Variants in PER1 observed in about 807,000 individuals in gnomAD.
PER1 encodes the protein period circadian protein homolog 1.
PER1 carries 87 observed loss-of-function variants against 125.9 expected under a neutral mutation model. The observed-to-expected ratio is 0.69, with a 90% CI of 0.58 to 0.83. PER1 has a LOEUF of 0.83. PER1 is among the 40% of genes least tolerant of loss of function. The pLI, the probability that PER1 is intolerant of heterozygous loss-of-function variation, is 0.00. For missense variants in PER1, 1,775 were observed against 1,722.8 expected, an observed-to-expected ratio of 1.03 and a Z score of -0.54; for synonymous variants, 801 against 714.7, an observed-to-expected ratio of 1.12 and a Z score of -1.93.
chr17:8,147,802 A>C lies in PER1; in HGVS notation c.1260T>G (p.Phe420Leu), dbSNP rs1402134122. ...CACAGAAGCGGATAGGGGAGTGGTC[A>C]AAGGGCTGGCCCGCCAACTGCAGAA... ...KKILQLAGQPFDHSPIRFCAR... is the reference protein window; with the variant it reads ...KKILQLAGQPLDHSPIRFCAR... Residue 420 changes from phenylalanine to leucine, a missense_variant, in exon 11 of 23, where the codon TTT becomes TTG. By Grantham distance (22) the Phe-to-Leu change is conservative. Coordinates refer to ENST00000317276, the MANE Select transcript of PER1 (RefSeq NM_002616.3). 6.2e-7 allele frequency: 1 copy of C among 1,613,956 alleles called. No individual in the cohort carries two copies. The highest frequency in any genetic ancestry group is 1.3e-5 in the African/African-American group (1 of 75,046).
Position 8,150,768 on chromosome 17 carries a change from G to A in PER1, c.-62C>T, listed in dbSNP as rs755926136. 35 of 1,448,304 alleles carry A rather than the reference G, an allele frequency of 2.4e-5. No homozygotes were observed. Among genetic ancestry groups the A allele is most frequent in the Non-Finnish European group, 3.1e-5 (34 of 1,090,916 alleles). 89.7% of individuals were successfully genotyped at this position (1,448,304 alleles called of 1,614,324 possible). A position where few individuals can be genotyped will look rare whatever the true frequency, so the allele number is the denominator to read the frequency against. On this transcript the variant is annotated 5_prime_UTR_variant, in exon 2 of 23. Coordinates refer to ENST00000317276, the MANE Select transcript of PER1 (RefSeq NM_002616.3). ...AGAGGCCACCACGGATGCACGAGGG[G>A]GCCTGGAGGCTTGGCTGAGGGAGTG...
intron 17 of PER1, among the ~76,000 whole-genome samples, chr17:8,145,322 TTC>T (rs1249388747): frequency 6.2e-4 from 62 of 100,724 alleles, no homozygotes; most frequent in African/African-American, 1.9e-3. Flanking sequence ...ATTTTCTTGT[TTC>T]TTTTTTTTTT....
chr17:8,150,946 G>C, intron 1 of PER1, 101 bp from the exon 2 acceptor site: 1 of 495,678 alleles, frequency 2.0e-6, no homozygotes, highest in Non-Finnish European at 3.6e-6. Flanking sequence ...GCCTCCTGCA[G>C]GACTGATGGG....
Position 8,149,234 on chromosome 17 carries a change from G to T in PER1, c.905+25C>A, listed in dbSNP as rs201889986. The T allele has an allele frequency of 6.9e-6, 11 of 1,599,336 alleles. No individual in the cohort carries two copies. In the African/African-American group the frequency reaches 1.5e-4, roughly 21 times the overall value. On this transcript the variant is annotated intron_variant, in intron 7 of 22. Transcript: ENST00000317276. ...AAAACAAAAAAAAAAGGAGGCAGAG[G>T]TCTTCTCCAGTTCCCCTCACCTACC...
At position 8,146,697 on chromosome 17, in the gene PER1, C is replaced by T. The variant is rs777360256; in HGVS notation, c.1804G>A (p.Ala602Thr). The T allele has an allele frequency of 1.2e-6, 2 of 1,613,784 alleles. No homozygotes were observed. The highest frequency in any genetic ancestry group is 1.1e-5 in the South Asian group (1 of 91,078). ...SPDPELEAGS[A>T]PVQAPLALVP... ...AAGGCTAGTGGGGCCTGGACGGGAG[C>T]AGAACCCGCCTCCAGCTCTGGGTCT... The change falls in exon 15 of 23, where the codon GCT (alanine) becomes ACT (threonine). Residue 602 changes from alanine to threonine, a missense_variant. Ala to Thr is a moderately conservative substitution (Grantham distance 58). Transcript: ENST00000317276.
intron 21 of PER1, 36 bp downstream of exon 21, chr17:8,142,233 G>C (rs1376995015): frequency 6.6e-7 from 1 of 1,524,272 alleles, no homozygotes; most frequent in African/African-American, 1.4e-5. Flanking sequence ...TACTACCTCT[G>C]AAAGGAAGGC....
chr17:8,146,001 G>A lies in PER1; in HGVS notation c.2175C>T (p.Ser725=). ...VVSVTSQCSF[S]STIVHVGDKK... is the part of the protein sequence containing the mutation. ...TGTCTCCCACATGGACGATGGTGGA[G>A]CTGAAGCTACACTGACTGGTGACGG... is the stretch of plus-strand genomic sequence containing the variant. Residue 725 remains serine (S), a synonymous_variant, in exon 17 of 23, where the codon AGC becomes AGT. Coordinates refer to ENST00000317276, the MANE Select transcript of PER1 (RefSeq NM_002616.3). 1.9e-6 allele frequency: 3 copies of A among 1,613,496 alleles called. No individual in the cohort carries two copies. The highest frequency in any genetic ancestry group is 2.5e-6 in the Non-Finnish European group (3 of 1,179,656).
At position 8,150,133 on chromosome 17, in the gene PER1, G is replaced by A. The variant is rs537583850; in HGVS notation, c.375-8C>T. ...CGGGCTGACTGTTCACTGCTGCGGG[G>A]CCCACAGGGAAGAAAGAGATAAAGA... On this transcript the variant is annotated splice_region_variant and splice_polypyrimidine_tract_variant and intron_variant, in intron 3 of 22. Coordinates refer to ENST00000317276, the MANE Select transcript of PER1 (RefSeq NM_002616.3). 199 of 1,613,510 alleles carry A rather than the reference G, an allele frequency of 1.2e-4. 4 individuals carry two copies. In the South Asian group the frequency reaches 2.1e-3, roughly 17 times the overall value.
chr17:8,146,820 A>G, intron 14 of PER1, 55 bp from the exon 15 acceptor site: 3 of 1,605,864 alleles, frequency 1.9e-6, no homozygotes, highest in East Asian at 2.2e-5. Context: ...ATGGAAAAAA[A>G]CAGCAAATGG....
At chr17:8,151,444 CG>C (rs547827500) in intron 1 of PER1, among the ~76,000 whole-genome samples, 2 of 151,832 alleles carry the variant, frequency 1.3e-5, no homozygotes, top group African/African-American at 2.4e-5. Context: ...TGGGCGCGGC[CG>C]GGGGGGTCAC....
chr17:8,142,810 T>C lies in PER1; in HGVS notation c.3098A>G (p.Gln1033Arg), dbSNP rs753070005. The C allele has an allele frequency of 9.3e-6, 15 of 1,609,338 alleles. No individual in the cohort carries two copies. Among genetic ancestry groups the C allele is most frequent in the Non-Finnish European group, 1.2e-5 (14 of 1,179,014 alleles). ...GTCACTGGAGCCGGAAAGTGCGTCC[T>C]GATTGGAGGACTCAGTGACCTCCGC... ...RLAEVTESSNQDALSGSSDLL... is the reference protein window; with the variant it reads ...RLAEVTESSNRDALSGSSDLL... Residue 1033 changes from glutamine (Q) to arginine (R), a missense_variant, in exon 20 of 23, where the codon CAG (glutamine) becomes CGG (arginine). By Grantham distance (43) the Gln-to-Arg change is conservative (BLOSUM62 1). Coordinates refer to ENST00000317276, the MANE Select transcript of PER1 (RefSeq NM_002616.3).
chr17:8,145,426 C>T (rs1319481655), intron 17 of PER1, among the ~76,000 whole-genome samples: 5 of 149,882 alleles, frequency 3.3e-5, no homozygotes, highest in Non-Finnish European at 5.9e-5. Flanking sequence ...TGGGTTCAAG[C>T]GATTCTCCTG....
chr17:8,144,328 C>A (rs2151859835), intron 18 of PER1: 1 of 412,574 alleles, frequency 2.4e-6, no homozygotes, highest in African/African-American at 2.1e-5. Context: ...CCTGCGTCTG[C>A]CTGCAGGGGA....
Position 8,143,121 on chromosome 17 carries a change from G to A in PER1, c.3072+145C>T, listed in dbSNP as rs921773017. On this transcript the variant is annotated intron_variant, in intron 19 of 22. Transcript: ENST00000317276. ...TTCAAAGAGGAGGTAGCCAATTTCT[G>A]CCTCATTCAGAAATTCAGCTGGGGA... 13 of 648,650 alleles carry A rather than the reference G, an allele frequency of 2.0e-5. No individual in the cohort carries two copies. The East Asian group carries it at 3.7e-4, about 18-fold the overall frequency. The allele number at this position is 648,650 out of a possible 1,614,324, so 40.2% of individuals were successfully genotyped here.
Position 8,146,451 on chromosome 17 carries a change from G to A in PER1, c.1959C>T (p.Ser653=), listed in dbSNP as rs766152619. ...LPSTTKRKCA[S]SSSYTTSSAS... ...CTGAGGAGGTGGTATAGGAGGAGGA[G>A]GAGGCACATTTACGCTTAGTGGTGC... The change falls in exon 16 of 23, where the codon TCC becomes TCT. Residue 653 remains serine (S), a synonymous_variant. Transcript: ENST00000317276. The A allele has an allele frequency of 6.2e-7, 1 of 1,613,872 alleles. No homozygotes were observed. The highest frequency in any genetic ancestry group is 1.1e-5 in the South Asian group (1 of 91,034).
At position 8,149,441 on chromosome 17, in the gene PER1, C is replaced by G. The variant is rs202135220; in HGVS notation, c.853+21G>C. 2.5e-6 allele frequency: 4 copies of G among 1,610,380 alleles called. No homozygotes were observed. In the Admixed American group the frequency reaches 6.7e-5, roughly 27 times the overall value. ...TTTCCTGGGACTGCTCATGCCTCCCCACAGCGCTTGGGCACCTCACCTGCT... is the reference window on the plus strand; with the variant it reads ...TTTCCTGGGACTGCTCATGCCTCCCGACAGCGCTTGGGCACCTCACCTGCT... On this transcript the variant is annotated intron_variant, in intron 6 of 22. Coordinates refer to ENST00000317276, the MANE Select transcript of PER1 (RefSeq NM_002616.3).
chr17:8,146,836 G>A (rs1387164966), intron 14 of PER1, 61 bp downstream of exon 14: 2 of 1,606,244 alleles, frequency 1.2e-6, no homozygotes, highest in African/African-American at 2.7e-5. Context: ...AATGGGTTGG[G>A]GGTGAAGGTC....
intron 22 of PER1, 150 bp downstream of exon 22, chr17:8,141,655 A>C (rs761131313): frequency 5.6e-5 from 59 of 1,048,514 alleles, no homozygotes; most frequent in Middle Eastern, 2.3e-4. Flanking sequence ...TTAATGATCC[A>C]AGGACATCAA....
At chr17:8,148,542 A>G in intron 8 of PER1, 102 bp downstream of exon 8, 1 of 1,394,124 alleles carries the variant, frequency 7.2e-7, no homozygotes, top group Non-Finnish European at 9.7e-7. Flanking sequence ...TTCTTGTTCC[A>G]AAATTCAAAG....
Sources: gnomAD v4.1 joint callset for allele counts (sites outside exome capture counted in the v4.1 genomes callset) on GRCh38, gnomAD v4.1.1 for gene constraint, MANE v1.5 for transcripts, NCBI Gene and HGNC (gene_info 2026-07-23, HGNC 2026-07-21) for gene names.